The following AKAP6 variants were observed in gnomAD, a reference collection of about 807,000 sequenced individuals.
AKAP6 encodes A-kinase anchoring protein 6.
In AKAP6, 58 loss-of-function variants were observed where a neutral mutation model predicts 188.5. The ratio of observed to expected loss-of-function variants is 0.31; its 90% CI spans 0.25 to 0.38. AKAP6 has a LOEUF of 0.38. AKAP6 is among the 10% of genes least tolerant of loss of function. The probability of loss-of-function intolerance (pLI) is 1.00; values close to 1 mark genes in which losing one functional copy is unlikely to be tolerated. For missense variants in AKAP6, 2,710 were observed against 2,740.0 expected (o/e 0.99, Z 0.24); for synonymous variants, 989 against 998.6 (o/e 0.99, Z 0.18).
intron 9 of AKAP6, among the ~76,000 whole-genome samples, chr14:32,711,140 A>G (rs140336093): frequency 6.2e-4 from 94 of 152,170 alleles, no homozygotes; most frequent in Admixed American, 4.8e-3. Context: ...TCTATCTGCT[A>G]TATTGCAGTA....
At position 32,545,808 on chromosome 14, in the gene AKAP6, G is replaced by T. The variant is rs7150894; in HGVS notation, c.1155G>T (p.Thr385=). Residue 385 remains threonine, a synonymous_variant, in exon 4 of 14, where the codon ACG becomes ACT. Coordinates refer to ENST00000280979, the MANE Select transcript of AKAP6 (RefSeq NM_004274.5). ...TTAATTATAACGAGGACTCTCCCAC[G>T]CAGCCTACATTGCCAAAAAGAGGAC... ...DCFNYNEDSP[T]QPTLPKRGLF... 1.2e-6 allele frequency: 2 copies of T among 1,614,078 alleles called. No individual in the cohort carries two copies. Among genetic ancestry groups the T allele is most frequent in the South Asian group, 2.2e-5 (2 of 91,080 alleles).
intron 7 of AKAP6, among the ~76,000 whole-genome samples, chr14:32,617,192 C>T (rs947523860): frequency 6.6e-6 from 1 of 152,166 alleles, no homozygotes; most frequent in Non-Finnish European, 1.5e-5. Context: ...TCTTCCTTTG[C>T]CATAGCCACA....
At chr14:32,396,797 T>C (rs74041619) in intron 1 of AKAP6, among the ~76,000 whole-genome samples, 5 of 152,268 alleles carry the variant, frequency 3.3e-5, no homozygotes, top group African/African-American at 1.2e-4. Context: ...AAGCCAGGGC[T>C]GGTAGATTAG....
At chr14:32,768,185 A>G (rs1371391308) in intron 11 of AKAP6, among the ~76,000 whole-genome samples, 2 of 152,214 alleles carry the variant, frequency 1.3e-5, no homozygotes, top group Non-Finnish European at 2.9e-5. Flanking sequence ...AAAGAAGCAT[A>G]GAGGTACCAG....
At chr14:32,343,920 G>T (rs961041997) in intron 1 of AKAP6, among the ~76,000 whole-genome samples, 2 of 151,912 alleles carry the variant, frequency 1.3e-5, no homozygotes, top group Non-Finnish European at 2.9e-5. Flanking sequence ...AACGTTCTCT[G>T]AATTCCTAAA....
At chr14:32,794,190 C>CA (rs1426878360) in intron 12 of AKAP6, among the ~76,000 whole-genome samples, 1 of 152,114 alleles carries the variant, frequency 6.6e-6, no homozygotes, top group African/African-American at 2.4e-5. Flanking sequence ...GAAATTCACT[C>CA]AAAATCACAC....
At chr14:32,338,895 G>A (rs965612160) in intron 1 of AKAP6, among the ~76,000 whole-genome samples, 1 of 152,060 alleles carries the variant, frequency 6.6e-6, no homozygotes, top group Non-Finnish European at 1.5e-5. Context: ...CTCTCAAGAA[G>A]AAAATGCAAT....
intron 12 of AKAP6, among the ~76,000 whole-genome samples, chr14:32,817,592 C>T (rs971290859): frequency 6.6e-6 from 1 of 151,682 alleles, no homozygotes; most frequent in Non-Finnish European, 1.5e-5. Context: ...GAATAGAAGA[C>T]CCTTGCATGA....
intron 11 of AKAP6, among the ~76,000 whole-genome samples, chr14:32,766,225 A>G (rs4981160): frequency 0.57 from 86,692 of 152,022 alleles, 26,507 homozygotes; most frequent in Admixed American, 0.7. Flanking sequence ...ATTACATTAT[A>G]TGTATTTACT....
chr14:32,671,056 A>T (rs1889168345), intron 7 of AKAP6, among the ~76,000 whole-genome samples: 1 of 152,184 alleles, frequency 6.6e-6, no homozygotes, highest in Non-Finnish European at 1.5e-5. Flanking sequence ...GATGGACAAT[A>T]TAAAAAAAAG....
chr14:32,695,981 T>C lies in AKAP6; in HGVS notation c.2880-9T>C. ...TTTATGCATACTACATTTTGCGCCTTATCTTCAGGCTTCTGGACTTTGATT... is the reference window on the plus strand; with the variant it reads ...TTTATGCATACTACATTTTGCGCCTCATCTTCAGGCTTCTGGACTTTGATT... On this transcript the variant is annotated splice_polypyrimidine_tract_variant and intron_variant, in intron 8 of 13. Coordinates refer to ENST00000280979, the MANE Select transcript of AKAP6 (RefSeq NM_004274.5). 1 of 1,611,634 alleles carries C rather than the reference T, an allele frequency of 6.2e-7. No individual in the cohort carries two copies. The highest frequency in any genetic ancestry group is 8.5e-7 in the Non-Finnish European group (1 of 1,179,410).
At chr14:32,819,234 TCTTAAA>T (rs1040853035) in intron 12 of AKAP6, among the ~76,000 whole-genome samples, 2 of 152,322 alleles carry the variant, frequency 1.3e-5, no homozygotes, top group South Asian at 2.1e-4. Flanking sequence ...GTAACTGGAC[TCTTAAA>T]CTTAAGTAGG....
intron 2 of AKAP6, among the ~76,000 whole-genome samples, chr14:32,500,200 A>G (rs147117734): frequency 2.0e-3 from 299 of 152,302 alleles, no homozygotes; most frequent in Non-Finnish European, 3.6e-3. Context: ...AGTTATCAGC[A>G]GGAAATATAA....
Position 32,678,547 on chromosome 14 carries a change from T to G in AKAP6, c.2879+88T>G, listed in dbSNP as rs1481941417. 2.0e-6 allele frequency: 3 copies of G among 1,493,334 alleles called. No homozygotes were observed. The South Asian group carries it at 3.7e-5, about 18-fold the overall frequency. The allele number at this position is 1,493,334 out of a possible 1,614,324, so 92.5% of individuals were successfully genotyped here. On this transcript the variant is annotated intron_variant, in intron 8 of 13. Transcript: ENST00000280979. ...TGGTAGGTGTTAGGAAGGTATTTCC[T>G]CTTTAGCAAACCGACAAGGAGAAGC...
chr14:32,362,437 C>T (rs1887694729), intron 1 of AKAP6, among the ~76,000 whole-genome samples: 1 of 152,114 alleles, frequency 6.6e-6, no homozygotes, highest in Admixed American at 6.5e-5. Flanking sequence ...CTGTCAGACT[C>T]GGGAAAAGCT....
chr14:32,429,668 G>A (rs888873507), intron 1 of AKAP6, among the ~76,000 whole-genome samples: 2 of 152,210 alleles, frequency 1.3e-5, no homozygotes, highest in Non-Finnish European at 2.9e-5. Flanking sequence ...AGGTATATGT[G>A]AAGGAAAGTA....
chr14:32,553,769 C>T (rs1183129075), intron 4 of AKAP6, among the ~76,000 whole-genome samples: 3 of 152,140 alleles, frequency 2.0e-5, no homozygotes, highest in African/African-American at 7.2e-5. Flanking sequence ...CTCTGAGTTC[C>T]CAAGGGATGG....
chr14:32,732,365 T>C, intron 9 of AKAP6, 89 bp from the exon 10 acceptor site: 1 of 1,446,008 alleles, frequency 6.9e-7, no homozygotes, highest in Non-Finnish European at 9.3e-7. Context: ...AAACTTTTAA[T>C]GCTCGTAAGC....
intron 2 of AKAP6, among the ~76,000 whole-genome samples, chr14:32,465,365 AGC>A (rs1210082667): frequency 1.6e-5 from 2 of 122,192 alleles, no homozygotes; most frequent in African/African-American, 1.0e-4. Context: ...TAACCAAAAC[AGC>A]GTGGTACTGG....
Sources: gnomAD v4.1 joint callset for allele counts (sites outside exome capture counted in the v4.1 genomes callset) on GRCh38, gnomAD v4.1.1 for gene constraint, MANE v1.5 for transcripts, NCBI Gene and HGNC (gene_info 2026-07-23, HGNC 2026-07-21) for gene names.